The following FGF10 variants were observed in gnomAD, a reference collection of about 807,000 sequenced individuals.
The protein encoded by FGF10 is fibroblast growth factor 10, also known as FGF-10.
Under a neutral mutation model 19.8 loss-of-function variants are expected in FGF10, and 2 were observed. That is an observed-to-expected ratio of 0.10 (90% CI 0.04 to 0.32). The LOEUF is 0.32. Ranked by LOEUF, FGF10 falls within the 10% of genes least tolerant of loss-of-function variation. The pLI, the probability that FGF10 is intolerant of heterozygous loss-of-function variation, is 1.00. For missense variants in FGF10, 191 were observed against 246.3 expected (o/e 0.78, Z 1.50); for synonymous variants, 112 against 94.0 (o/e 1.19, Z -1.10).
At chr5:44,308,252 T>C (rs1037305897) in intron 2 of FGF10, among the ~76,000 whole-genome samples, 7 of 152,146 alleles carry the variant, frequency 4.6e-5, no homozygotes, top group Non-Finnish European at 8.8e-5. Context: ...AGAGGAGAAA[T>C]GTGAAGAAAA....
intron 2 of FGF10, among the ~76,000 whole-genome samples, chr5:44,305,927 G>A (rs968430008): frequency 6.6e-6 from 1 of 152,116 alleles, no homozygotes; most frequent in Non-Finnish European, 1.5e-5. Flanking sequence ...GTATCTTAAG[G>A]ACTTGGATCC....
intron 1 of FGF10, among the ~76,000 whole-genome samples, chr5:44,333,502 T>C (rs1740783643): frequency 6.6e-6 from 1 of 152,164 alleles, no homozygotes; most frequent in Non-Finnish European, 1.5e-5. Context: ...AGTCATCCCA[T>C]TTATGGAGCA....
chr5:44,386,566 C>G (rs184224969), intron 1 of FGF10, among the ~76,000 whole-genome samples: 1 of 152,076 alleles, frequency 6.6e-6, no homozygotes, highest in African/African-American at 2.4e-5. Flanking sequence ...AATTTTTAAT[C>G]GAAAAACCTT....
Position 44,347,229 on chromosome 5 carries a change from A to C in FGF10, c.326-36699T>G, listed in dbSNP as rs866889602. 5.3e-5 allele frequency among the ~76,000 whole-genome samples: 8 copies of C among 151,724 alleles called. No individual in the cohort carries two copies. In the South Asian group the frequency reaches 1.5e-3, roughly 28 times the overall value. On this transcript the variant is annotated intron_variant, in intron 1 of 2. Coordinates refer to ENST00000264664, the MANE Select transcript of FGF10 (RefSeq NM_004465.2). Reference sequence around the variant, plus strand: ...AGACTAGTATAACTGCGTCCTCCCTATGCTTCCTGGGATGACTCCTGCCTC... The same window carrying C: ...AGACTAGTATAACTGCGTCCTCCCTCTGCTTCCTGGGATGACTCCTGCCTC...
intron 1 of FGF10, among the ~76,000 whole-genome samples, chr5:44,381,088 T>C (rs1421925350): frequency 6.6e-6 from 1 of 152,078 alleles, no homozygotes. Context: ...GAAGAGTTAT[T>C]GGGAGCAAAA....
At position 44,388,362 on chromosome 5, in the gene FGF10, C is replaced by T. The variant is rs199743095; in HGVS notation, c.321G>A (p.Pro107=). 3 of 1,612,864 alleles carry T rather than the reference C, an allele frequency of 1.9e-6. No individual in the cohort carries two copies. Among genetic ancestry groups the T allele is most frequent in the African/African-American group, 1.3e-5 (1 of 74,862 alleles). Residue 107 remains proline (P), a synonymous_variant, in exon 1 of 3, where the codon CCG becomes CCA. Coordinates refer to ENST00000264664, the MANE Select transcript of FGF10 (RefSeq NM_004465.2). The part of the protein sequence containing the change: ...KVSGTKKENC[P]YSILEITSVE... Reference sequence around the variant, plus strand: ...GAGCATGCATTTGTTACTTACTGTACGGGCAGTTCTCCTTCTTGGTCCCGC... The same window carrying T: ...GAGCATGCATTTGTTACTTACTGTATGGGCAGTTCTCCTTCTTGGTCCCGC...
intron 1 of FGF10, among the ~76,000 whole-genome samples, chr5:44,356,938 G>T (rs966627326): frequency 7.9e-5 from 12 of 151,116 alleles, no homozygotes; most frequent in African/African-American, 2.9e-4. Flanking sequence ...AAACTAACCA[G>T]GTGACCTTAC....
intron 1 of FGF10, among the ~76,000 whole-genome samples, chr5:44,383,296 A>C (rs1386212990): frequency 1.3e-5 from 2 of 152,126 alleles, no homozygotes; most frequent in Admixed American, 1.3e-4. Flanking sequence ...ATGCACTGGA[A>C]TAAAGCTTTT....
intron 2 of FGF10, among the ~76,000 whole-genome samples, chr5:44,308,010 T>C (rs1030459731): frequency 5.3e-5 from 8 of 152,170 alleles, no homozygotes; most frequent in African/African-American, 1.9e-4. Flanking sequence ...GCTGAACAAA[T>C]AGTGGGGGAC....
In FGF10 at chr5:44,304,009, T is replaced by C. The variant is rs1259758249; in HGVS notation, c.*986A>G. 1.3e-5 allele frequency: 2 copies of C among 152,190 alleles called. No homozygotes were observed. Among genetic ancestry groups the C allele is most frequent in the African/African-American group, 2.4e-5 (1 of 41,444 alleles). 9.4% of individuals were successfully genotyped at this position (152,190 alleles called of 1,614,324 possible). On this transcript the variant is annotated 3_prime_UTR_variant, in exon 3 of 3. Transcript: ENST00000264664. ...ATATTCTTGGAGGCAAACTGATGTA[T>C]TGAAAGAGAAGAATTTGGCCTTCTG...
chr5:44,351,717 C>T (rs1447196830), intron 1 of FGF10, among the ~76,000 whole-genome samples: 1 of 151,496 alleles, frequency 6.6e-6, no homozygotes, highest in East Asian at 1.9e-4. Flanking sequence ...ATTTTACTAC[C>T]ATTATTAGTT....
chr5:44,346,265 G>A (rs2111805150), intron 1 of FGF10, among the ~76,000 whole-genome samples: 1 of 151,606 alleles, frequency 6.6e-6, no homozygotes, highest in South Asian at 2.1e-4. Flanking sequence ...TCCACTGTCA[G>A]TGCTATCCAA....
chr5:44,362,032 C>T (rs10941664), intron 1 of FGF10, among the ~76,000 whole-genome samples: 43,129 of 151,318 alleles, frequency 0.29, 6,373 homozygotes, highest in Admixed American at 0.4. Flanking sequence ...CTTGAAGAGA[C>T]TATACTCTCT....
intron 1 of FGF10, among the ~76,000 whole-genome samples, chr5:44,365,750 T>C (rs1741594802): frequency 6.6e-6 from 1 of 151,942 alleles, no homozygotes; most frequent in Non-Finnish European, 1.5e-5. Flanking sequence ...AAATAGCTAA[T>C]GCTACTAAAA....
chr5:44,378,797 T>C (rs1741925455), intron 1 of FGF10, among the ~76,000 whole-genome samples: 1 of 152,204 alleles, frequency 6.6e-6, no homozygotes, highest in Non-Finnish European at 1.5e-5. Flanking sequence ...AATTCCAGCA[T>C]TGTTAATTTC....
intron 1 of FGF10, among the ~76,000 whole-genome samples, chr5:44,315,455 G>A (rs934995836): frequency 2.6e-5 from 4 of 152,066 alleles, no homozygotes; most frequent in African/African-American, 9.7e-5. Context: ...GGCACTTTGA[G>A]GTGGCCACTA....
chr5:44,322,428 T>C (rs1488322290), intron 1 of FGF10, among the ~76,000 whole-genome samples: 3 of 152,300 alleles, frequency 2.0e-5, no homozygotes, highest in Middle Eastern at 3.4e-3. Context: ...TCACAGCTGG[T>C]ACATGATCAC....
At chr5:44,352,174 G>A (rs1018074853) in intron 1 of FGF10, among the ~76,000 whole-genome samples, 2 of 151,624 alleles carry the variant, frequency 1.3e-5, no homozygotes, top group African/African-American at 4.8e-5. Flanking sequence ...GACTGATAAA[G>A]ATAACGCCAT....
In FGF10 at chr5:44,388,935, C is replaced by G; in HGVS notation, c.-253G>C. 1.7e-6 allele frequency: 1 copy of G among 576,716 alleles called. No homozygotes were observed. Among genetic ancestry groups the G allele is most frequent in the South Asian group, 2.0e-5 (1 of 50,668 alleles). The allele number at this position is 576,716 out of a possible 1,614,324, so 35.7% of individuals were successfully genotyped here. ...CCCGGTAAATGGTGGACGTGGGTGGCCGCAGCAGCAGGAGCTGGTGGTGGC... is the reference window on the plus strand; with the variant it reads ...CCCGGTAAATGGTGGACGTGGGTGGGCGCAGCAGCAGGAGCTGGTGGTGGC... On this transcript the variant is annotated 5_prime_UTR_variant, in exon 1 of 3. Coordinates refer to ENST00000264664, the MANE Select transcript of FGF10 (RefSeq NM_004465.2).
Sources: allele counts gnomAD v4.1 joint callset (sites outside exome capture counted in the v4.1 genomes callset), GRCh38; gene constraint gnomAD v4.1.1; transcripts MANE v1.5; gene names NCBI Gene and HGNC (gene_info 2026-07-23, HGNC 2026-07-21).